Variants in TRMT2B observed in about 807,000 individuals in gnomAD.
TRMT2B encodes tRNA (uracil-5-)-methyltransferase homolog B.
TRMT2B carries 34 observed loss-of-function variants against 39.7 expected under a neutral mutation model. The ratio of observed to expected loss-of-function variants is 0.86; its 90% CI spans 0.65 to 1.14. The LOEUF is 1.14. TRMT2B is among the 50% of genes most tolerant of loss of function. The probability of loss-of-function intolerance (pLI) is 0.00; values close to 1 mark genes in which losing one functional copy is unlikely to be tolerated. For synonymous variants in TRMT2B, 132 were observed against 137.3 expected (o/e 0.96, Z 0.27); for missense variants, 318 against 377.2 (o/e 0.84, Z 1.30).
At chrX:100,990,291 C>G in the TRMT2B span, 1 of 840,741 alleles carries the variant, frequency 1.2e-6, no homozygotes, top group Non-Finnish European at 1.4e-6. Context: ...TGGCACTTGG[C>G]TTCACTTACA....
chrX:101,047,207 GAAAAAAAA>G (rs58813758), intron 2 of TRMT2B, among the ~76,000 whole-genome samples: 2 of 82,710 alleles, frequency 2.4e-5, no homozygotes, highest in African/African-American at 8.8e-5. Flanking sequence ...ACCCTGTCTC[GAAAAAAAA>G]AAAAAAAAAG....
intron 2 of TRMT2B, among the ~76,000 whole-genome samples, chrX:101,045,454 C>T (rs1334814821): frequency 3.3e-5 from 3 of 91,006 alleles, no homozygotes; most frequent in African/African-American, 8.4e-5. Context: ...AACTTCATCT[C>T]GAAAAAAAAA....
downstream of TRMT2B, among the ~76,000 whole-genome samples, chrX:101,006,096 C>A (rs2086099849): frequency 9.2e-6 from 1 of 108,555 alleles, no homozygotes; most frequent in African/African-American, 3.3e-5. Context: ...TAGCACACAC[C>A]TGTAATCCCA....
At chrX:100,992,412 C>T in the TRMT2B span, among the ~76,000 whole-genome samples, 1 of 110,950 alleles carries the variant, frequency 9.0e-6, no homozygotes, top group African/African-American at 3.3e-5. Flanking sequence ...GAAACCCCAT[C>T]TCTACTAAAA....
At chrX:101,011,046 T>TA (rs1363234095) in intron 13 of TRMT2B, among the ~76,000 whole-genome samples, 3 of 112,024 alleles carry the variant, frequency 2.7e-5, no homozygotes, top group Non-Finnish European at 5.6e-5. Flanking sequence ...CAAACTGTTC[T>TA]AAAAAGGGTT....
At chrX:101,020,083 A>G (rs2086722750) in intron 11 of TRMT2B, among the ~76,000 whole-genome samples, 1 of 111,423 alleles carries the variant, frequency 9.0e-6, no homozygotes, top group Non-Finnish European at 1.9e-5. Flanking sequence ...AAGATGATCT[A>G]TTTTCTATAT....
At chrX:100,985,780 T>C in the TRMT2B span, 6 of 1,209,607 alleles carry the variant, frequency 5.0e-6, no homozygotes, top group African/African-American at 8.8e-5. Flanking sequence ...CCGGGAAGCA[T>C]GGCCAAACTA....
At chrX:101,014,869 G>A (rs965153826) in intron 13 of TRMT2B, among the ~76,000 whole-genome samples, 3 of 110,186 alleles carry the variant, frequency 2.7e-5, no homozygotes, top group African/African-American at 6.6e-5. Flanking sequence ...TGAAGTACGC[G>A]GGGAAAGTGA....
chrX:101,036,755 C>T (rs1874387586), intron 6 of TRMT2B, among the ~76,000 whole-genome samples: 1 of 111,755 alleles, frequency 8.9e-6, no homozygotes, highest in South Asian at 3.7e-4. Flanking sequence ...GCATATATGG[C>T]TTTTAGAGGA....
the TRMT2B span, among the ~76,000 whole-genome samples, chrX:100,973,436 G>A: frequency 6.6e-5 from 7 of 106,570 alleles, no homozygotes; most frequent in Admixed American, 2.0e-4. Flanking sequence ...GGCGCTCGCC[G>A]GCGCGGCGGC....
intron 2 of TRMT2B, among the ~76,000 whole-genome samples, chrX:101,044,795 A>T (rs1291528418): frequency 1.0e-5 from 1 of 97,156 alleles, no homozygotes; most frequent in Non-Finnish European, 2.0e-5. Flanking sequence ...AGCTGAGATC[A>T]CGCCACTGCA....
the TRMT2B span, chrX:100,990,218 T>C: frequency 7.6e-5 from 30 of 394,425 alleles, no homozygotes; most frequent in East Asian, 4.8e-3. Flanking sequence ...GTGCAGTCTA[T>C]ACCCTGTTGG....
chrX:101,035,530 T>C, intron 7 of TRMT2B, 83 bp downstream of exon 7: 2 of 854,377 alleles, frequency 2.3e-6, no homozygotes, highest in Non-Finnish European at 3.5e-6. Flanking sequence ...TAGAATTGGC[T>C]CTATTATCAA....
At chrX:100,985,673 C>G in the TRMT2B span, 1 of 1,207,639 alleles carries the variant, frequency 8.3e-7, no homozygotes, top group Non-Finnish European at 1.1e-6. Flanking sequence ...ACAGTACTTC[C>G]CAGTAAGACA....
chrX:101,000,611 G>GT, the TRMT2B span, among the ~76,000 whole-genome samples: 2 of 109,830 alleles, frequency 1.8e-5, no homozygotes, highest in Non-Finnish European at 3.8e-5. Flanking sequence ...GAACACCTGG[G>GT]TAAGTCTAGA....
the TRMT2B span, among the ~76,000 whole-genome samples, chrX:100,991,519 C>G: frequency 9.0e-6 from 1 of 110,797 alleles, no homozygotes; most frequent in Non-Finnish European, 1.9e-5. Flanking sequence ...GCTGGGACTA[C>G]TGGCGCCCAC....
At chrX:101,016,829 T>C (rs2086551640) in intron 13 of TRMT2B, among the ~76,000 whole-genome samples, 1 of 109,995 alleles carries the variant, frequency 9.1e-6, no homozygotes, top group African/African-American at 3.3e-5. Flanking sequence ...GTGCTGGGAT[T>C]ACAGGCCTGG....
chrX:100,999,793 C>CT, the TRMT2B span, among the ~76,000 whole-genome samples: 2 of 112,067 alleles, frequency 1.8e-5, no homozygotes, highest in East Asian at 5.6e-4. Context: ...CCTTGGGGAT[C>CT]TTTTAAAAAT....
intron 7 of TRMT2B, among the ~76,000 whole-genome samples, chrX:101,030,286 T>C (rs1199030957): frequency 9.1e-6 from 1 of 109,429 alleles, no homozygotes; most frequent in Non-Finnish European, 1.9e-5. Flanking sequence ...AAACAAAAAC[T>C]GGCAAATGTC....
Sources: gnomAD v4.1 joint callset for allele counts (sites outside exome capture counted in the v4.1 genomes callset) on GRCh38, gnomAD v4.1.1 for gene constraint, MANE v1.5 for transcripts, NCBI Gene and HGNC (gene_info 2026-07-23, HGNC 2026-07-21) for gene names.